ME2: variants seen among roughly 807,000 people sequenced by gnomAD.
ME2 encodes the protein NAD-dependent malic enzyme, mitochondrial.
Under a neutral mutation model 73.7 loss-of-function variants are expected in ME2, and 60 were observed. The observed-to-expected ratio is 0.81, with a 90% CI of 0.66 to 1.01. The LOEUF (loss-of-function observed/expected upper bound fraction) is 1.01. ME2 is among the 50% of genes least tolerant of loss of function. The pLI, the probability that ME2 is intolerant of heterozygous loss-of-function variation, is 0.00. For synonymous variants in ME2, 199 were observed against 236.9 expected (o/e 0.84, Z 1.47); for missense variants, 594 against 705.5 (o/e 0.84, Z 1.79).
chr18:50,887,793 A>C (rs1397092772), intron 1 of ME2, among the ~76,000 whole-genome samples: 2 of 152,222 alleles, frequency 1.3e-5, no homozygotes, highest in African/African-American at 4.8e-5. Context: ...AAAGATTGCA[A>C]AGTGAGCTTA....
chr18:50,886,599 A>G (rs955551788), intron 1 of ME2, among the ~76,000 whole-genome samples: 9 of 152,172 alleles, frequency 5.9e-5, no homozygotes, highest in Non-Finnish European at 2.9e-5. Flanking sequence ...AGCACAAAGG[A>G]GAGCTTTATT....
At position 50,881,512 on chromosome 18, in the gene ME2, T is replaced by C. The variant is rs539021107; in HGVS notation, c.-13+2204T>C. On this transcript the variant is annotated intron_variant, in intron 1 of 15. Transcript: ENST00000321341. ...CGATTTTGATTTTATGGTGGCATAT[T>C]GTACCTCCTTTGATCAATATGTACA... Among the ~76,000 whole-genome samples the C allele has an allele frequency of 1.2e-4, 18 of 152,376 alleles. No homozygotes were observed. The East Asian group carries it at 3.3e-3, about 28-fold the overall frequency.
intron 15 of ME2, among the ~76,000 whole-genome samples, chr18:50,943,626 C>T (rs1301476825): frequency 6.6e-6 from 1 of 152,022 alleles, no homozygotes; most frequent in Non-Finnish European, 1.5e-5. Context: ...TTTATTATTA[C>T]ATTATTTTGG....
intron 15 of ME2, among the ~76,000 whole-genome samples, chr18:50,941,353 C>CTTTTTTTTTTTTTTTTTTTTT (rs57428974): frequency 9.4e-5 from 6 of 63,820 alleles, no homozygotes; most frequent in African/African-American, 1.6e-4. Context: ...GTGATGGTTT[C>CTTTTTTTTTTTTTTTTTTTTT]TTTTTTTTTT....
At chr18:50,888,749 G>A (rs1255782529) in intron 1 of ME2, among the ~76,000 whole-genome samples, 1 of 151,820 alleles carries the variant, frequency 6.6e-6, no homozygotes, top group Non-Finnish European at 1.5e-5. Flanking sequence ...CTCTATAAAG[G>A]GTATCAGGGT....
At chr18:50,924,915 C>G (rs1259215497) in intron 11 of ME2, among the ~76,000 whole-genome samples, 1 of 151,794 alleles carries the variant, frequency 6.6e-6, no homozygotes, top group Non-Finnish European at 1.5e-5. Context: ...CTCCTGACCT[C>G]AGGTGATCCA....
chr18:50,922,393 G>C (rs1255158965), intron 10 of ME2, among the ~76,000 whole-genome samples: 1 of 152,216 alleles, frequency 6.6e-6, no homozygotes, highest in East Asian at 1.9e-4. Context: ...CAAGTATCCT[G>C]ACTGCGAAGC....
At chr18:50,915,089 CCCTCCT>C (rs57668604) in intron 4 of ME2, among the ~76,000 whole-genome samples, 197 of 150,434 alleles carry the variant, frequency 1.3e-3, no homozygotes, top group African/African-American at 4.4e-3. Context: ...GAAGACCAAC[CCCTCCT>C]CCTCCTCCTC....
intron 2 of ME2, among the ~76,000 whole-genome samples, chr18:50,902,418 G>GAATTACA (rs1229974194): frequency 8.7e-4 from 133 of 152,236 alleles, no homozygotes; most frequent in Admixed American, 1.4e-3. Flanking sequence ...TTTTTGGTGA[G>GAATTACA]ACAGAGATTT....
In ME2 at chr18:50,918,698, T is replaced by C. The variant is rs528083445; in HGVS notation, c.734+485T>C. On this transcript the variant is annotated intron_variant, in intron 7 of 15. Transcript: ENST00000321341. ...TCCTAACTTGGTCTTTCTCCCACCT[T>C]TCTCTTTTTTTTTTTTTTTGTCATC... Among the ~76,000 whole-genome samples the C allele has an allele frequency of 5.3e-5, 7 of 132,510 alleles. No homozygotes were observed. The South Asian group carries it at 1.3e-3, about 25-fold the overall frequency. 86.9% of individuals were successfully genotyped at this position (132,510 alleles called of 152,430 possible). A position where few individuals can be genotyped will look rare whatever the true frequency, so the allele number is the denominator to read the frequency against.
chr18:50,950,349 C>T lies in ME2; in HGVS notation c.*3165C>T, dbSNP rs922605219. ...GGCTGGTGTCTCTTCAGGAGGACCC[C>T]TGACACACCGATTCTGCCCTCACAA... On this transcript the variant is annotated 3_prime_UTR_variant, in exon 16 of 16. Transcript: ENST00000321341. 1 of 152,144 alleles carries T rather than the reference C, an allele frequency of 6.6e-6. No homozygotes were observed. The highest frequency in any genetic ancestry group is 2.4e-5 in the African/African-American group (1 of 41,416). 9.4% of individuals were successfully genotyped at this position (152,144 alleles called of 1,614,324 possible). A position where few individuals can be genotyped will look rare whatever the true frequency, so the allele number is the denominator to read the frequency against.
chr18:50,918,887 C>T (rs1279242178), intron 7 of ME2, among the ~76,000 whole-genome samples: 1 of 152,162 alleles, frequency 6.6e-6, no homozygotes, highest in Admixed American at 6.6e-5. Flanking sequence ...TAATCAGAAT[C>T]TTCCATCTGG....
At chr18:50,898,441 AT>A (rs1036339959) in intron 2 of ME2, among the ~76,000 whole-genome samples, 14 of 151,776 alleles carry the variant, frequency 9.2e-5, no homozygotes, top group Non-Finnish European at 2.1e-4. Context: ...ATTTTATTTT[AT>A]TTTTTTGAGA....
chr18:50,880,213 AGGTTG>A (rs1916282990), intron 1 of ME2, among the ~76,000 whole-genome samples: 3 of 152,178 alleles, frequency 2.0e-5, no homozygotes, highest in African/African-American at 7.2e-5. Context: ...TAACCCTTTG[AGGTTG>A]ATACTGTTAC....
chr18:50,885,296 C>T lies in ME2; in HGVS notation c.-13+5988C>T, dbSNP rs919878057. 2.6e-5 allele frequency among the ~76,000 whole-genome samples: 4 copies of T among 152,132 alleles called. No individual in the cohort carries two copies. The East Asian group carries it at 5.8e-4, about 22-fold the overall frequency. ...CAGCAACTCACAGGCTGAGATCGGA[C>T]GATTGCTTGAGGCCAAGAGTTCAAG... On this transcript the variant is annotated intron_variant, in intron 1 of 15. Coordinates refer to ENST00000321341, the MANE Select transcript of ME2 (RefSeq NM_002396.5).
chr18:50,928,350 A>G (rs1005753698), intron 12 of ME2, among the ~76,000 whole-genome samples: 1 of 149,946 alleles, frequency 6.7e-6, no homozygotes, highest in Non-Finnish European at 1.5e-5. Context: ...GGTTCACATC[A>G]TTCTCCTGCC....
At chr18:50,927,554 T>C (rs1456639903) in intron 12 of ME2, among the ~76,000 whole-genome samples, 1 of 151,022 alleles carries the variant, frequency 6.6e-6, no homozygotes, top group Non-Finnish European at 1.5e-5. Context: ...CAAAAAAAAT[T>C]AGCCAGATGT....
Sources: gnomAD v4.1 joint callset for allele counts (sites outside exome capture counted in the v4.1 genomes callset) on GRCh38, gnomAD v4.1.1 for gene constraint, MANE v1.5 for transcripts, NCBI Gene and HGNC (gene_info 2026-07-23, HGNC 2026-07-21) for gene names.